NAA38: variants seen among roughly 807,000 people sequenced by gnomAD.
NAA38 encodes the protein N-alpha-acetyltransferase 38, NatC auxiliary subunit.
Under a neutral mutation model 12.6 loss-of-function variants are expected in NAA38, and 15 were observed. The observed-to-expected ratio is 1.19, with a 90% CI of 0.79 to 1.83. The LOEUF is 1.83. Ranked by LOEUF, NAA38 falls within the 40% of genes most tolerant of loss-of-function variation. NAA38 has a pLI of 0.00. For missense variants in NAA38, 183 were observed against 171.7 expected, an observed-to-expected ratio of 1.07 and a Z score of -0.37; for synonymous variants, 88 against 69.9, an observed-to-expected ratio of 1.26 and a Z score of -1.29.
At chr17:7,863,636 A>C (rs1966911384) in intron 3 of NAA38, 1 of 152,176 alleles carries the variant, frequency 6.6e-6, no homozygotes, top group South Asian at 2.1e-4. Context: ...GGCCATCCTG[A>C]AACTGTTTCT....
At chr17:7,872,675 A>G (rs1291661709) in intron 2 of NAA38, among the ~76,000 whole-genome samples, 1 of 152,184 alleles carries the variant, frequency 6.6e-6, no homozygotes, top group Non-Finnish European at 1.5e-5. Context: ...TTTGTTTTTA[A>G]TGTCACTATT....
upstream of NAA38, chr17:7,857,998 A>G (rs2078845328): frequency 6.6e-7 from 1 of 1,506,136 alleles, no homozygotes; most frequent in Non-Finnish European, 8.8e-7. Context: ...TGGCCGGAAA[A>G]GGACAATGGT....
At chr17:7,863,737 C>G (rs1339129594) in intron 3 of NAA38, 1 of 152,096 alleles carries the variant, frequency 6.6e-6, no homozygotes, top group East Asian at 1.9e-4. Flanking sequence ...AGCCCAACCC[C>G]CTACTCCTAC....
upstream of NAA38, chr17:7,858,224 G>T (rs1191388078): frequency 1.9e-6 from 3 of 1,613,886 alleles, no homozygotes; most frequent in African/African-American, 2.7e-5. Flanking sequence ...AACATAACAG[G>T]CCCGAAGACC....
At chr17:7,869,824 G>C (rs1401196762) in intron 2 of NAA38, among the ~76,000 whole-genome samples, 2 of 152,044 alleles carry the variant, frequency 1.3e-5, no homozygotes, top group East Asian at 3.9e-4. Flanking sequence ...GATGGTGAAA[G>C]GGCCCAAGAG....
At position 7,856,774 on chromosome 17, in the gene NAA38, A is replaced by G. The variant is rs1597869518; in HGVS notation, c.335T>C (p.Ile112Thr). 1.9e-6 allele frequency: 3 copies of G among 1,614,054 alleles called. No homozygotes were observed. Among genetic ancestry groups the G allele is most frequent in the East Asian group, 4.5e-5 (2 of 44,874 alleles). ...GGTCAGACTCTCCCTCTGCACCTCA[A>G]TGGAAACGATGTGGTGTCCGGGTAC... ...AMVPGHHIVS[I>T]EVQRESLTGP... Residue 112 changes from isoleucine (I) to threonine (T), a missense_variant, in exon 3 of 3, where the codon ATT (isoleucine) becomes ACT (threonine). Physicochemically the swap from Ile to Thr is moderately conservative, Grantham distance 89. Transcript: ENST00000575771.
At position 7,866,393 on chromosome 17, in the gene NAA38, C is replaced by T. The variant is rs1966982868; in HGVS notation, c.3+98G>A. 10 of 966,506 alleles carry T rather than the reference C, an allele frequency of 1.0e-5. 1 individual carries two copies. In the South Asian group the frequency reaches 4.7e-4, roughly 45 times the overall value. 59.9% of individuals were successfully genotyped at this position (966,506 alleles called of 1,614,324 possible). On this transcript the variant is annotated intron_variant, in intron 3 of 4. Coordinates refer to the NAA38 transcript ENST00000576861. ...AGAGTGCTGGAATTACAGGTGTGAG[C>T]CATTGCGCCCGGCCGCCACGGGGAA...
chr17:7,874,320 G>A (rs936908336), intron 2 of NAA38, among the ~76,000 whole-genome samples: 4 of 152,186 alleles, frequency 2.6e-5, no homozygotes, highest in African/African-American at 9.7e-5. Flanking sequence ...GATGGGGCCA[G>A]AAGTGGGATG....
intron 1 of NAA38, among the ~76,000 whole-genome samples, chr17:7,884,001 AT>A (rs1597887725): frequency 6.6e-6 from 1 of 151,544 alleles, no homozygotes; most frequent in Non-Finnish European, 1.5e-5. Flanking sequence ...CCCCTCAAAT[AT>A]TTTTTATAAG....
rs1597878386 is a variant in NAA38 at position 7,866,561 on chromosome 17, G to C, written c.-65-3C>G. ...CTCCCACGTTGGCCTTTCAGTTTCT[G>C]AAATGCCCCCCAAGCTTTGCATCAG... On this transcript the variant is annotated splice_region_variant and splice_polypyrimidine_tract_variant and intron_variant, in intron 2 of 4. Transcript: ENST00000576861. The C allele has an allele frequency of 3.3e-6, 4 of 1,204,660 alleles. No homozygotes were observed. In the East Asian group the frequency reaches 1.3e-4, roughly 38 times the overall value. 74.6% of individuals were successfully genotyped at this position (1,204,660 alleles called of 1,614,324 possible).
At chr17:7,882,960 A>T (rs973819623) in intron 2 of NAA38, among the ~76,000 whole-genome samples, 7 of 152,194 alleles carry the variant, frequency 4.6e-5, no homozygotes, top group African/African-American at 1.7e-4. Context: ...GAAGGGGCAA[A>T]GGGAGATCAA....
chr17:7,871,693 C>T (rs1181016157), intron 2 of NAA38, among the ~76,000 whole-genome samples: 8 of 152,242 alleles, frequency 5.3e-5, no homozygotes, highest in East Asian at 1.9e-4. Context: ...GTCACTCTGT[C>T]GCCCAGGCTG....
At chr17:7,878,619 G>A (rs1032262428) in intron 2 of NAA38, among the ~76,000 whole-genome samples, 11 of 152,048 alleles carry the variant, frequency 7.2e-5, no homozygotes, top group Non-Finnish European at 1.6e-4. Context: ...CCAGCTACTC[G>A]GGAGGCTGAG....
At position 7,877,822 on chromosome 17, in the gene NAA38, T is replaced by C. The variant is rs550075891; in HGVS notation, c.-66+5413A>G. Among the ~76,000 whole-genome samples the C allele has an allele frequency of 2.0e-5, 3 of 152,332 alleles. No homozygotes were observed. The East Asian group carries it at 5.8e-4, about 29-fold the overall frequency. ...TGTGACCATCAGTTTCACATATTAG[T>C]GTCCTTTAAAACTCTAGGACATCTC... On this transcript the variant is annotated intron_variant, in intron 2 of 4. Coordinates refer to the NAA38 transcript ENST00000576861.
At chr17:7,880,323 A>G (rs1316276736) in intron 2 of NAA38, among the ~76,000 whole-genome samples, 1 of 150,866 alleles carries the variant, frequency 6.6e-6, no homozygotes, top group Non-Finnish European at 1.5e-5. Context: ...AAGAGTGGAG[A>G]GACACAAAGA....
upstream of NAA38, chr17:7,859,594 T>C (rs2078867836): frequency 6.2e-7 from 1 of 1,614,102 alleles, no homozygotes; most frequent in Non-Finnish European, 8.5e-7. Flanking sequence ...ACTTCAATGA[T>C]GATCTCACGG....
intron 2 of NAA38, among the ~76,000 whole-genome samples, chr17:7,867,483 C>T (rs918042426): frequency 2.6e-5 from 4 of 152,034 alleles, no homozygotes; most frequent in Admixed American, 6.5e-5. Context: ...GGATTACAGG[C>T]GTGCACCACC....
intron 3 of NAA38, chr17:7,863,236 C>T (rs1416289992): frequency 1.3e-5 from 2 of 152,152 alleles, no homozygotes; most frequent in African/African-American, 2.4e-5. Flanking sequence ...TGGATATTTG[C>T]ATGAGGAGTA....
intron 2 of NAA38, among the ~76,000 whole-genome samples, chr17:7,878,949 A>G (rs965900061): frequency 1.3e-5 from 2 of 151,066 alleles, no homozygotes; most frequent in African/African-American, 4.9e-5. Context: ...ATGTTTAATA[A>G]TATGTAACAT....
Sources: gnomAD v4.1 joint callset for allele counts (sites outside exome capture counted in the v4.1 genomes callset) on GRCh38, gnomAD v4.1.1 for gene constraint, MANE v1.5 for transcripts, NCBI Gene and HGNC (gene_info 2026-07-23, HGNC 2026-07-21) for gene names.